SDC2: variants seen among roughly 807,000 people sequenced by gnomAD.
SDC2 encodes the protein syndecan-2.
In SDC2, 13 loss-of-function variants were observed where a neutral mutation model predicts 22.2. The ratio of observed to expected loss-of-function variants is 0.59; its 90% CI spans 0.38 to 0.93. The LOEUF is 0.93. Among genes scored for constraint, SDC2 ranks in the 40% least tolerant of loss-of-function variants. The pLI is 0.00. For synonymous variants in SDC2, 94 were observed against 92.8 expected, an observed-to-expected ratio of 1.01 and a Z score of -0.07; for missense variants, 235 against 246.8, an observed-to-expected ratio of 0.95 and a Z score of 0.32.
chr8:96,596,085 A>G (rs1334692191), intron 2 of SDC2, among the ~76,000 whole-genome samples: 1 of 152,236 alleles, frequency 6.6e-6, no homozygotes, highest in Non-Finnish European at 1.5e-5. Context: ...CATCTCTGAA[A>G]CGATAGATTC....
rs1814426528 is a variant in SDC2 at position 96,573,239 on chromosome 8, C to CA, written c.61-20238dup. Among the ~76,000 whole-genome samples the CA allele has an allele frequency of 2.6e-5, 4 of 152,148 alleles. No individual in the cohort carries two copies. In the South Asian group the frequency reaches 6.3e-4, roughly 24 times the overall value. ...TTTTATAGACAGAAAAACTCAACCT[C>CA]AAAGTTTTAGTCCAGGTGTCTGACT... On this transcript the variant is annotated intron_variant, in intron 1 of 4. Transcript: ENST00000302190.
intron 1 of SDC2, among the ~76,000 whole-genome samples, chr8:96,502,139 G>T (rs1443597942): frequency 6.6e-6 from 1 of 152,178 alleles, no homozygotes; most frequent in African/African-American, 2.4e-5. Flanking sequence ...TGGCTGGGGA[G>T]ACCTCACAAT....
At chr8:96,508,833 CTG>C (rs1007876376) in intron 1 of SDC2, among the ~76,000 whole-genome samples, 1 of 142,104 alleles carries the variant, frequency 7.0e-6, no homozygotes, top group African/African-American at 2.5e-5. Context: ...AAGTGTCTAA[CTG>C]TATCACCAAC....
chr8:96,563,446 T>G (rs1814245435), intron 1 of SDC2, among the ~76,000 whole-genome samples: 1 of 152,222 alleles, frequency 6.6e-6, no homozygotes, highest in South Asian at 2.1e-4. Context: ...TCCTTCCATT[T>G]CCTATAAATA....
intron 2 of SDC2, among the ~76,000 whole-genome samples, chr8:96,601,825 C>T (rs768036759): frequency 9.9e-5 from 15 of 151,524 alleles, no homozygotes; most frequent in Non-Finnish European, 1.9e-4. Flanking sequence ...AATGGTGTGA[C>T]CTCTGCTCAC....
At position 96,609,493 on chromosome 8, in the gene SDC2, G is replaced by A. The variant is rs183417451; in HGVS notation, c.551G>A (p.Arg184His). The change falls in exon 5 of 5, where the codon CGC becomes CAC. Residue 184 changes from arginine to histidine, a missense_variant. Arg to His is a conservative substitution (Grantham distance 29). Coordinates refer to ENST00000302190, the MANE Select transcript of SDC2 (RefSeq NM_002998.4). ...KDEGSYDLGE[R>H]KPSSAAYQKA... ...GAAGGAAGCTATGACCTTGGAGAACGCAAACCATCCAGTGCTGCTTATCAG... is the reference window on the plus strand; with the variant it reads ...GAAGGAAGCTATGACCTTGGAGAACACAAACCATCCAGTGCTGCTTATCAG... The A allele has an allele frequency of 1.2e-5, 20 of 1,612,476 alleles. No individual in the cohort carries two copies. The highest frequency in any genetic ancestry group is 4.4e-5 in the South Asian group (4 of 90,862).
chr8:96,547,761 A>G lies in SDC2; in HGVS notation c.61-45719A>G, dbSNP rs368928302. Among the ~76,000 whole-genome samples the G allele has an allele frequency of 1.3e-4, 20 of 148,510 alleles. No homozygotes were observed. In the South Asian group the frequency reaches 1.7e-3, roughly 13 times the overall value. ...TTTTTTTTTTTTTAAATTTTTATGT[A>G]TGTATGTATTTGCTTTTGAGACAGG... On this transcript the variant is annotated intron_variant, in intron 1 of 4. Coordinates refer to ENST00000302190, the MANE Select transcript of SDC2 (RefSeq NM_002998.4).
chr8:96,541,064 G>GTATT (rs71267267), intron 1 of SDC2, among the ~76,000 whole-genome samples: 110,440 of 151,714 alleles, frequency 0.73, 40,288 homozygotes, highest in African/African-American at 0.75. Context: ...TGATTAAAAG[G>GTATT]TATTATAGAT....
chr8:96,602,470 C>T lies in SDC2; in HGVS notation c.248C>T (p.Ala83Val). The change falls in exon 3 of 5, where the codon GCT (alanine) becomes GTT (valine). Residue 83 changes from alanine to valine, a missense_variant. Coordinates refer to ENST00000302190, the MANE Select transcript of SDC2 (RefSeq NM_002998.4). ...PLPKILLTSA[A>V]PKVETTTLNI... ...CCAAAGATACTGTTGACTAGTGCTG[C>T]TCCAAAAGTGGAAACCACGACGCTG... 3 of 1,614,162 alleles carry T rather than the reference C, an allele frequency of 1.9e-6. No homozygotes were observed. The highest frequency in any genetic ancestry group is 2.5e-6 in the Non-Finnish European group (3 of 1,179,990).
intron 1 of SDC2, among the ~76,000 whole-genome samples, chr8:96,583,353 TATA>T (rs1198487239): frequency 7.0e-6 from 1 of 143,002 alleles, no homozygotes. Context: ...AAATATATAT[TATA>T]TATATTATAT....
chr8:96,573,834 T>A (rs1308043388), intron 1 of SDC2, among the ~76,000 whole-genome samples: 2 of 152,134 alleles, frequency 1.3e-5, no homozygotes, highest in African/African-American at 2.4e-5. Context: ...AGAAGAAATA[T>A]AAATCTCCTA....
intron 1 of SDC2, among the ~76,000 whole-genome samples, chr8:96,574,347 C>T (rs368671968): frequency 2.5e-4 from 38 of 152,164 alleles, no homozygotes; most frequent in African/African-American, 8.7e-4. Flanking sequence ...TCACAGTCAC[C>T]AAAACATCTG....
chr8:96,495,850 G>A (rs1813066413), intron 1 of SDC2, among the ~76,000 whole-genome samples: 1 of 152,130 alleles, frequency 6.6e-6, no homozygotes, highest in Non-Finnish European at 1.5e-5. Flanking sequence ...TGAGTATTTT[G>A]GGTGCTCAGG....
rs147929642 is a variant in SDC2 at position 96,601,275 on chromosome 8, G to C, written c.173-1120G>C. 1.9e-4 allele frequency among the ~76,000 whole-genome samples: 29 copies of C among 152,254 alleles called. 1 individual carries two copies. In the East Asian group the frequency reaches 5.0e-3, roughly 26 times the overall value. ...AGGGAAAATGCTCCTGGAGGGAGTA[G>C]AATGCAGAGTGGAGAAGATGATGAG... On this transcript the variant is annotated intron_variant, in intron 2 of 4. Coordinates refer to ENST00000302190, the MANE Select transcript of SDC2 (RefSeq NM_002998.4).
chr8:96,590,510 T>C (rs568171416), intron 1 of SDC2, among the ~76,000 whole-genome samples: 1 of 152,340 alleles, frequency 6.6e-6, no homozygotes, highest in South Asian at 2.1e-4. Context: ...GCTTGTCTCC[T>C]TGTCCCAAGG....
chr8:96,580,024 T>C (rs1014682839), intron 1 of SDC2, among the ~76,000 whole-genome samples: 6 of 152,228 alleles, frequency 3.9e-5, no homozygotes, highest in Non-Finnish European at 8.8e-5. Context: ...TAGCTGCTTT[T>C]GTAAAGGATT....
chr8:96,509,775 T>G (rs185772684), intron 1 of SDC2, among the ~76,000 whole-genome samples: 22 of 152,300 alleles, frequency 1.4e-4, no homozygotes, highest in African/African-American at 5.1e-4. Context: ...AACGTATGCT[T>G]TCTACTGCTG....
chr8:96,500,860 G>C (rs550325400), intron 1 of SDC2, among the ~76,000 whole-genome samples: 1 of 152,228 alleles, frequency 6.6e-6, no homozygotes, highest in South Asian at 2.1e-4. Context: ...GTGAATGTCT[G>C]TTTTTCTCAA....
At chr8:96,575,077 G>A (rs766163913) in intron 1 of SDC2, among the ~76,000 whole-genome samples, 9 of 152,164 alleles carry the variant, frequency 5.9e-5, no homozygotes, top group African/African-American at 1.2e-4. Context: ...GCTCACTGGC[G>A]GCTCACCTCT....
Sources: gnomAD v4.1 joint callset for allele counts (sites outside exome capture counted in the v4.1 genomes callset) on GRCh38, gnomAD v4.1.1 for gene constraint, MANE v1.5 for transcripts, NCBI Gene and HGNC (gene_info 2026-07-23, HGNC 2026-07-21) for gene names.